The following ANKRD17 variants were observed in gnomAD, a reference collection of about 807,000 sequenced individuals.
ANKRD17 encodes ankyrin repeat domain-containing protein 17.
In ANKRD17, 19 loss-of-function variants were observed where a neutral mutation model predicts 229.7. The observed-to-expected ratio is 0.08, with a 90% CI of 0.06 to 0.12. The LOEUF (loss-of-function observed/expected upper bound fraction) is 0.12. Ranked by LOEUF, ANKRD17 falls within the 10% of genes least tolerant of loss-of-function variation. The probability of loss-of-function intolerance (pLI) is 1.00; values close to 1 mark genes in which losing one functional copy is unlikely to be tolerated. For missense variants in ANKRD17, 2,176 were observed against 3,176.8 expected, an observed-to-expected ratio of 0.68 and a Z score of 7.57; for synonymous variants, 1,112 against 1,146.1, an observed-to-expected ratio of 0.97 and a Z score of 0.60.
chr4:73,203,825 T>C (rs1394700263), intron 1 of ANKRD17, among the ~76,000 whole-genome samples: 1 of 103,018 alleles, frequency 9.7e-6, no homozygotes, highest in African/African-American at 3.7e-5. Context: ...GATAGAAAAA[T>C]ATAACCTTAC....
intron 1 of ANKRD17, among the ~76,000 whole-genome samples, chr4:73,240,834 A>T (rs1743958169): frequency 7.8e-6 from 1 of 128,786 alleles, no homozygotes. Flanking sequence ...TTTGGAGATG[A>T]GTCTTGCTCT....
chr4:73,199,376 C>T (rs1312897419), intron 1 of ANKRD17, among the ~76,000 whole-genome samples: 1 of 152,054 alleles, frequency 6.6e-6, no homozygotes, highest in African/African-American at 2.4e-5. Flanking sequence ...CATCAACCTC[C>T]CAGCAAGAAT....
intron 25 of ANKRD17, 133 bp downstream of exon 25, chr4:73,102,243 G>A (rs890901585): frequency 2.0e-5 from 18 of 898,558 alleles, no homozygotes; most frequent in Middle Eastern, 3.5e-4. Flanking sequence ...GATTACGGGC[G>A]TGAGCCACTG....
intron 25 of ANKRD17, among the ~76,000 whole-genome samples, chr4:73,101,664 CAA>C (rs71215484): frequency 5.4e-5 from 6 of 111,480 alleles, no homozygotes; most frequent in Non-Finnish European, 3.5e-5. Flanking sequence ...GACTCGGTCT[CAA>C]AAAAAAAAAA....
intron 1 of ANKRD17, among the ~76,000 whole-genome samples, chr4:73,250,486 C>T (rs1205299423): frequency 1.4e-5 from 2 of 142,690 alleles, no homozygotes; most frequent in Non-Finnish European, 3.0e-5. Context: ...GCTGCAACTC[C>T]AGATACTCAG....
rs1430267776 is a variant in ANKRD17 at position 73,250,875 on chromosome 4, T to G, written c.393+7401A>C. Among the ~76,000 whole-genome samples, 5 of 152,152 alleles carry G rather than the reference T, an allele frequency of 3.3e-5. No individual in the cohort carries two copies. In the East Asian group the frequency reaches 7.8e-4, roughly 24 times the overall value. On this transcript the variant is annotated intron_variant, in intron 1 of 33. Transcript: ENST00000358602. ...GGCGGGAGCCACTACGCCCGACTAA[T>G]TTTTCTATTTTTAGCACTCTGATGT...
At chr4:73,256,006 G>A (rs185667106) in intron 1 of ANKRD17, among the ~76,000 whole-genome samples, 67 of 152,270 alleles carry the variant, frequency 4.4e-4, no homozygotes, top group Non-Finnish European at 4.4e-4. Context: ...GATTACAGGC[G>A]TGAGCTACCA....
rs182403178 is a variant in ANKRD17 at position 73,108,076 on chromosome 4, G to C, written c.4402-5529C>G. Among the ~76,000 whole-genome samples the C allele has an allele frequency of 3.6e-4, 55 of 152,248 alleles. No homozygotes were observed. The East Asian group carries it at 0.01, about 28-fold the overall frequency. ...TACAGTAGCACAATCACAGCTCACC[G>C]CAGTGACCTCCCCAGGCTCAGGTGA... On this transcript the variant is annotated intron_variant, in intron 24 of 33. Coordinates refer to ENST00000358602, the MANE Select transcript of ANKRD17 (RefSeq NM_032217.5).
At chr4:73,123,051 G>A (rs1253854796) in intron 18 of ANKRD17, among the ~76,000 whole-genome samples, 1 of 151,850 alleles carries the variant, frequency 6.6e-6, no homozygotes, top group Non-Finnish European at 1.5e-5. Context: ...AGGCAAAATT[G>A]TTACCCTAAC....
chr4:73,201,516 A>G (rs1316027644), intron 1 of ANKRD17, among the ~76,000 whole-genome samples: 1 of 152,220 alleles, frequency 6.6e-6, no homozygotes, highest in East Asian at 1.9e-4. Flanking sequence ...ATATTTTTAA[A>G]TAATACAGTC....
intron 1 of ANKRD17, among the ~76,000 whole-genome samples, chr4:73,255,936 G>C (rs956443945): frequency 3.3e-5 from 5 of 152,142 alleles, no homozygotes; most frequent in African/African-American, 1.2e-4. Flanking sequence ...ATGTTGGCCA[G>C]GCTGGTCTCA....
At chr4:73,101,274 T>A (rs1578049083) in intron 25 of ANKRD17, 2 of 933,950 alleles carry the variant, frequency 2.1e-6, no homozygotes, top group African/African-American at 3.6e-5. Context: ...AAATCGATGA[T>A]CTGGATTGTA....
At chr4:73,184,481 A>G (rs1162030314) in intron 1 of ANKRD17, among the ~76,000 whole-genome samples, 1 of 145,782 alleles carries the variant, frequency 6.9e-6, no homozygotes, top group Non-Finnish European at 1.5e-5. Flanking sequence ...GTGAGCCAAG[A>G]TAGCGCCATT....
At chr4:73,240,121 T>C (rs1271350803) in intron 1 of ANKRD17, among the ~76,000 whole-genome samples, 1 of 152,146 alleles carries the variant, frequency 6.6e-6, no homozygotes, top group Non-Finnish European at 1.5e-5. Context: ...GGTCCTGCAA[T>C]AATAATGTAT....
intron 10 of ANKRD17, among the ~76,000 whole-genome samples, chr4:73,146,086 A>G (rs1286232413): frequency 6.6e-6 from 1 of 152,050 alleles, no homozygotes; most frequent in African/African-American, 2.4e-5. Context: ...TATTCTACCC[A>G]CACACAGTTG....
At chr4:73,081,868 G>A (rs1721602641) in intron 30 of ANKRD17, among the ~76,000 whole-genome samples, 2 of 152,206 alleles carry the variant, frequency 1.3e-5, no homozygotes, top group South Asian at 2.1e-4. Context: ...TGGGGCCACT[G>A]GGTGTGGTGG....
intron 1 of ANKRD17, among the ~76,000 whole-genome samples, chr4:73,199,755 T>C (rs771561814): frequency 6.6e-6 from 1 of 152,212 alleles, no homozygotes; most frequent in East Asian, 1.9e-4. Context: ...GAAAGCTCAA[T>C]ATGAGTAATA....
chr4:73,105,013 G>A (rs932177032), intron 24 of ANKRD17, among the ~76,000 whole-genome samples: 3 of 151,996 alleles, frequency 2.0e-5, no homozygotes, highest in Non-Finnish European at 2.9e-5. Context: ...GTATTTGCTC[G>A]TTTCTAAATT....
In ANKRD17 at chr4:73,085,258, C is replaced by A; in HGVS notation, c.7150G>T (p.Ala2384Ser). The A allele has an allele frequency of 3.1e-6, 5 of 1,613,982 alleles. No individual in the cohort carries two copies. The highest frequency in any genetic ancestry group is 4.2e-6 in the Non-Finnish European group (5 of 1,179,924). Reference protein sequence around the residue: ...PLSLLTPCSSASNDSSAQSVS... With the variant: ...PLSLLTPCSSSSNDSSAQSVS... ...GGTGTATAAAACTCACCATTTGATG[C>A]TGATGAACACGGAGTCAACAAACTA... The change falls in exon 30 of 34, where the codon GCA (alanine) becomes TCA (serine). Residue 2384 changes from alanine to serine, a missense_variant. Physicochemically the swap from Ala to Ser is moderately conservative, Grantham distance 99 (BLOSUM62 1). Transcript: ENST00000358602.
Sources: gnomAD v4.1 joint callset for allele counts (sites outside exome capture counted in the v4.1 genomes callset) on GRCh38, gnomAD v4.1.1 for gene constraint, MANE v1.5 for transcripts, NCBI Gene and HGNC (gene_info 2026-07-23, HGNC 2026-07-21) for gene names.